Variants in HECW2 observed in about 807,000 individuals in gnomAD.
The protein encoded by HECW2 is E3 ubiquitin-protein ligase HECW2.
HECW2 carries 61 observed loss-of-function variants against 175.2 expected under a neutral mutation model. The ratio of observed to expected loss-of-function variants is 0.35; its 90% CI spans 0.28 to 0.43. The LOEUF (loss-of-function observed/expected upper bound fraction) is 0.43, where lower values mean the gene tolerates loss of function less well. Among genes scored for constraint, HECW2 ranks in the 20% least tolerant of loss-of-function variants. The pLI, the probability that HECW2 is intolerant of heterozygous loss-of-function variation, is 1.00. For missense variants in HECW2, 1,524 were observed against 2,000.5 expected, an observed-to-expected ratio of 0.76 and a Z score of 4.54; for synonymous variants, 671 against 731.0, an observed-to-expected ratio of 0.92 and a Z score of 1.32.
intron 2 of HECW2, among the ~76,000 whole-genome samples, chr2:196,430,478 A>C (rs1195790402): frequency 6.6e-6 from 1 of 152,218 alleles, no homozygotes; most frequent in African/African-American, 2.4e-5. Flanking sequence ...CTAGATGTTG[A>C]AATTAGAAGA....
intron 28 of HECW2, among the ~76,000 whole-genome samples, chr2:196,212,909 T>C (rs532287213): frequency 1.7e-3 from 263 of 152,278 alleles, no homozygotes; most frequent in African/African-American, 5.9e-3. Flanking sequence ...ATTTCACTCA[T>C]AGGAAAAAGA....
chr2:196,479,720 T>G (rs77586511), intron 1 of HECW2, among the ~76,000 whole-genome samples: 21,996 of 152,198 alleles, frequency 0.14, 1,647 homozygotes, highest in Middle Eastern at 0.24. Flanking sequence ...CAGATCTCCT[T>G]ATTTCTATAA....
chr2:196,457,688 C>T (rs1696567106), intron 1 of HECW2, among the ~76,000 whole-genome samples: 1 of 152,030 alleles, frequency 6.6e-6, no homozygotes, highest in Admixed American at 6.5e-5. Context: ...AGGAGCGGGA[C>T]TATATGATTT....
chr2:196,487,486 G>C (rs1687048965), intron 1 of HECW2, among the ~76,000 whole-genome samples: 1 of 152,070 alleles, frequency 6.6e-6, no homozygotes, highest in Admixed American at 6.5e-5. Context: ...ACCTTATCCA[G>C]ACCTTGCTTA....
Position 196,542,381 on chromosome 2 carries a change from C to T in HECW2, c.-36+51127G>A, listed in dbSNP as rs192877091. On this transcript the variant is annotated intron_variant, in intron 1 of 28. Coordinates refer to ENST00000644978, the MANE Select transcript of HECW2 (RefSeq NM_001348768.2). ...TGGACATAGAGAAAGGCAAATCCAACACTGGAAAACCGAATGACATGAAAA... is the reference window on the plus strand; with the variant it reads ...TGGACATAGAGAAAGGCAAATCCAATACTGGAAAACCGAATGACATGAAAA... 6.0e-4 allele frequency among the ~76,000 whole-genome samples: 91 copies of T among 151,594 alleles called. No homozygotes were observed. In the East Asian group the frequency reaches 9.3e-3, roughly 15 times the overall value.
At chr2:196,291,758 TG>T (rs1690612100) in intron 14 of HECW2, 1 of 152,234 alleles carries the variant, frequency 6.6e-6, no homozygotes, top group African/African-American at 2.4e-5. Flanking sequence ...CACATGGAGC[TG>T]CTTATCTGTA....
At chr2:196,404,204 A>C (rs981563020) in intron 2 of HECW2, among the ~76,000 whole-genome samples, 1 of 152,174 alleles carries the variant, frequency 6.6e-6, no homozygotes, top group African/African-American at 2.4e-5. Flanking sequence ...ATGGCACTTG[A>C]GTTGGAGACT....
chr2:196,545,819 T>C (rs976505894), intron 1 of HECW2, among the ~76,000 whole-genome samples: 1 of 152,168 alleles, frequency 6.6e-6, no homozygotes, highest in Non-Finnish European at 1.5e-5. Flanking sequence ...CTGAGAGTAA[T>C]TGAAAACCAC....
chr2:196,386,780 C>T (rs1305680587), intron 2 of HECW2, among the ~76,000 whole-genome samples: 1 of 152,050 alleles, frequency 6.6e-6, no homozygotes, highest in Non-Finnish European at 1.5e-5. Flanking sequence ...CAGTTAACTG[C>T]CAATAGTGCT....
At chr2:196,390,823 T>C (rs1358887562) in intron 2 of HECW2, among the ~76,000 whole-genome samples, 1 of 152,156 alleles carries the variant, frequency 6.6e-6, no homozygotes, top group Non-Finnish European at 1.5e-5. Flanking sequence ...GGAATGTTGT[T>C]TTTACTTGAA....
chr2:196,307,078 G>A (rs1691293263), intron 12 of HECW2, 52 bp downstream of exon 12: 4 of 1,273,016 alleles, frequency 3.1e-6, no homozygotes, highest in Admixed American at 3.5e-5. Context: ...ATCCTTATTT[G>A]CTTCTTTTTC....
At chr2:196,286,930 A>G (rs1297817653) in intron 14 of HECW2, among the ~76,000 whole-genome samples, 2 of 152,252 alleles carry the variant, frequency 1.3e-5, no homozygotes, top group Admixed American at 6.5e-5. Context: ...TCACTGAGAT[A>G]AATAGGACTT....
At chr2:196,215,009 T>C (rs980750645) in intron 28 of HECW2, among the ~76,000 whole-genome samples, 4 of 152,222 alleles carry the variant, frequency 2.6e-5, no homozygotes, top group East Asian at 3.8e-4. Flanking sequence ...CTCTAGAGTA[T>C]AGTTGTATTA....
intron 1 of HECW2, among the ~76,000 whole-genome samples, chr2:196,549,037 T>G (rs1014431188): frequency 6.6e-6 from 1 of 152,164 alleles, no homozygotes. Flanking sequence ...ACATGAACTT[T>G]GCGGGGGACA....
At chr2:196,260,174 G>C (rs1689231458) in intron 17 of HECW2, 1 of 152,166 alleles carries the variant, frequency 6.6e-6, no homozygotes, top group African/African-American at 2.4e-5. Flanking sequence ...ATGCCAAATG[G>C]GAAACTTTTC....
At chr2:196,206,261 G>T (rs1435284971) in intron 28 of HECW2, among the ~76,000 whole-genome samples, 1 of 152,172 alleles carries the variant, frequency 6.6e-6, no homozygotes, top group Non-Finnish European at 1.5e-5. Flanking sequence ...AAGGAAAGCA[G>T]GTCTGAACCC....
chr2:196,232,888 T>C (rs1688106297), intron 21 of HECW2, among the ~76,000 whole-genome samples: 1 of 152,240 alleles, frequency 6.6e-6, no homozygotes, highest in South Asian at 2.1e-4. Context: ...GGTCAAGTTT[T>C]TATCTGCTGA....
At chr2:196,219,981 A>G (rs1262046900) in intron 26 of HECW2, 58 bp downstream of exon 26, 10 of 1,149,722 alleles carry the variant, frequency 8.7e-6, no homozygotes, top group South Asian at 1.3e-5. Flanking sequence ...GGCAAGCTGA[A>G]CCATGCCTTC....
intron 1 of HECW2, among the ~76,000 whole-genome samples, chr2:196,455,584 T>A (rs560874677): frequency 1.3e-5 from 2 of 152,210 alleles, no homozygotes; most frequent in Non-Finnish European, 1.5e-5. Flanking sequence ...TTTTTCCATA[T>A]AGTTTTCTTA....
Sources: gnomAD v4.1 joint callset for allele counts (sites outside exome capture counted in the v4.1 genomes callset) on GRCh38, gnomAD v4.1.1 for gene constraint, MANE v1.5 for transcripts, NCBI Gene and HGNC (gene_info 2026-07-23, HGNC 2026-07-21) for gene names.